Variants in HTR1F observed in about 807,000 individuals in gnomAD.
HTR1F encodes the protein 5-hydroxytryptamine (serotonin) receptor 1F, G protein-coupled.
In HTR1F, 17 loss-of-function variants were observed where a neutral mutation model predicts 24.0. The observed-to-expected ratio is 0.71, with a 90% CI of 0.48 to 1.06. The LOEUF is 1.06. Ranked by LOEUF, HTR1F falls within the 50% of genes least tolerant of loss-of-function variation. HTR1F has a pLI of 0.00. For synonymous variants in HTR1F, 186 were observed against 156.8 expected (o/e 1.19, Z -1.39); for missense variants, 391 against 427.8 (o/e 0.91, Z 0.76).
At chr3:87,929,813 A>G (rs1398594954) in intron 2 of HTR1F, among the ~76,000 whole-genome samples, 1 of 152,182 alleles carries the variant, frequency 6.6e-6, no homozygotes, top group African/African-American at 2.4e-5. Context: ...GAATTTTAAA[A>G]TAGTTTTTTC....
intron 2 of HTR1F, among the ~76,000 whole-genome samples, chr3:87,835,317 T>A (rs2010883): frequency 3.6e-5 from 5 of 139,314 alleles, no homozygotes; most frequent in African/African-American, 1.4e-4. Context: ...GCAGACAGGA[T>A]CTAAATATGG....
chr3:87,914,190 C>T (rs553560578), intron 2 of HTR1F, among the ~76,000 whole-genome samples: 1 of 152,204 alleles, frequency 6.6e-6, no homozygotes, highest in South Asian at 2.1e-4. Context: ...CAGCAGGAAA[C>T]CCCTGGAAGC....
At chr3:87,796,708 T>C (rs1703912488) in intron 1 of HTR1F, among the ~76,000 whole-genome samples, 1 of 152,200 alleles carries the variant, frequency 6.6e-6, no homozygotes, top group Admixed American at 6.5e-5. Flanking sequence ...CTGTGTCCAA[T>C]GTTGCTAAAG....
intron 2 of HTR1F, among the ~76,000 whole-genome samples, chr3:87,935,375 C>A (rs1214959772): frequency 2.0e-5 from 3 of 152,158 alleles, no homozygotes; most frequent in Non-Finnish European, 4.4e-5. Context: ...GTCAATTTCA[C>A]TCTTCTTTCC....
At chr3:87,904,061 A>G (rs1239188211) in intron 2 of HTR1F, among the ~76,000 whole-genome samples, 1 of 152,172 alleles carries the variant, frequency 6.6e-6, no homozygotes. Context: ...AATGAAGAAA[A>G]GACTTGAACC....
At chr3:87,959,862 C>G (rs1705023922) in intron 2 of HTR1F, among the ~76,000 whole-genome samples, 1 of 150,374 alleles carries the variant, frequency 6.7e-6, no homozygotes, top group Non-Finnish European at 1.5e-5. Context: ...TAAACAGGTT[C>G]TCCAAATGAA....
chr3:87,958,894 C>G (rs1453674069), intron 2 of HTR1F, among the ~76,000 whole-genome samples: 1 of 151,426 alleles, frequency 6.6e-6, no homozygotes, highest in Non-Finnish European at 1.5e-5. Context: ...CTTTCTCAAC[C>G]ACCACCACCA....
intron 2 of HTR1F, among the ~76,000 whole-genome samples, chr3:87,981,866 A>G (rs1382646664): frequency 6.6e-6 from 1 of 152,220 alleles, no homozygotes; most frequent in Non-Finnish European, 1.5e-5. Context: ...TCTTGAAAAC[A>G]ATAACCAGAT....
intron 2 of HTR1F, among the ~76,000 whole-genome samples, chr3:87,953,898 A>G (rs899403225): frequency 6.6e-6 from 1 of 151,792 alleles, no homozygotes; most frequent in Non-Finnish European, 1.5e-5. Flanking sequence ...ATGGATGAAA[A>G]TAGCGGTCAT....
At chr3:87,980,448 T>C (rs915418816) in intron 2 of HTR1F, among the ~76,000 whole-genome samples, 3 of 152,156 alleles carry the variant, frequency 2.0e-5, no homozygotes, top group African/African-American at 7.2e-5. Flanking sequence ...TTTTATGGGC[T>C]TCAGAAGGGA....
At chr3:87,881,500 AG>A (rs1380666401) in intron 2 of HTR1F, among the ~76,000 whole-genome samples, 1 of 152,184 alleles carries the variant, frequency 6.6e-6, no homozygotes, top group Non-Finnish European at 1.5e-5. Flanking sequence ...CTCTGGGGGC[AG>A]GGAATGGCTG....
At chr3:87,891,861 A>G (rs556962383) in intron 2 of HTR1F, among the ~76,000 whole-genome samples, 91 of 152,296 alleles carry the variant, frequency 6.0e-4, no homozygotes, top group Middle Eastern at 6.8e-3. Context: ...AACTTCATTA[A>G]CTTTATAATC....
At chr3:87,835,194 T>C (rs568644141) in intron 2 of HTR1F, among the ~76,000 whole-genome samples, 33 of 152,168 alleles carry the variant, frequency 2.2e-4, no homozygotes, top group Non-Finnish European at 4.4e-4. Context: ...ATCGTAACTC[T>C]GCTCAGGGCT....
At chr3:87,898,335 TA>T (rs1323807303) in intron 2 of HTR1F, among the ~76,000 whole-genome samples, 1 of 152,110 alleles carries the variant, frequency 6.6e-6, no homozygotes, top group Non-Finnish European at 1.5e-5. Flanking sequence ...ATACAGAAAA[TA>T]AGGCCCAGAA....
At chr3:87,955,190 C>T (rs78738460) in intron 2 of HTR1F, among the ~76,000 whole-genome samples, 2,472 of 151,620 alleles carry the variant, frequency 0.016, 79 homozygotes, top group African/African-American at 0.056. Flanking sequence ...AGAGACTCCT[C>T]AGGTTTTTTT....
chr3:87,895,487 G>T (rs1244081471), intron 2 of HTR1F, among the ~76,000 whole-genome samples: 1 of 151,960 alleles, frequency 6.6e-6, no homozygotes, highest in Non-Finnish European at 1.5e-5. Context: ...CCAACTCTCT[G>T]TTGGGTATTA....
chr3:87,801,299 T>C lies in HTR1F; in HGVS notation c.-160+8457T>C, dbSNP rs547098098. Among the ~76,000 whole-genome samples the C allele has an allele frequency of 2.6e-5, 4 of 152,348 alleles. No homozygotes were observed. In the South Asian group the frequency reaches 8.3e-4, roughly 32 times the overall value. ...TATCTCCTCATCTTATACCTTATAG[T>C]ATACCAGTGTAGTAGCACACTTATA... On this transcript the variant is annotated intron_variant, in intron 1 of 2. Coordinates refer to ENST00000319595, the MANE Select transcript of HTR1F (RefSeq NM_001322209.2).
chr3:87,978,485 G>C (rs1252969947), intron 2 of HTR1F, among the ~76,000 whole-genome samples: 1 of 152,152 alleles, frequency 6.6e-6, no homozygotes, highest in Non-Finnish European at 1.5e-5. Context: ...TCTCAGTACA[G>C]TACAGCAACA....
chr3:87,883,042 C>A (rs1705844667), intron 2 of HTR1F, among the ~76,000 whole-genome samples: 1 of 152,008 alleles, frequency 6.6e-6, no homozygotes, highest in South Asian at 2.1e-4. Context: ...GGAGACACAT[C>A]CCAGTAGGGG....
Sources: allele counts gnomAD v4.1 joint callset (sites outside exome capture counted in the v4.1 genomes callset), GRCh38; gene constraint gnomAD v4.1.1; transcripts MANE v1.5; gene names NCBI Gene and HGNC (gene_info 2026-07-23, HGNC 2026-07-21).